Variants in CFAP77 observed in about 807,000 individuals in gnomAD.
CFAP77 encodes the protein cilia and flagella associated protein 77.
CFAP77 carries 25 observed loss-of-function variants against 31.1 expected under a neutral mutation model. That is an observed-to-expected ratio of 0.80 (90% CI 0.59 to 1.12). The LOEUF is 1.12. Ranked by LOEUF, CFAP77 falls within the 50% of genes most tolerant of loss-of-function variation. The pLI, the probability that CFAP77 is intolerant of heterozygous loss-of-function variation, is 0.00. For missense variants in CFAP77, 377 were observed against 397.3 expected (o/e 0.95, Z 0.44); for synonymous variants, 151 against 159.9 (o/e 0.94, Z 0.42).
chr9:132,559,346 CAAAAA>C (rs35737685), intron 5 of CFAP77, among the ~76,000 whole-genome samples: 5 of 56,082 alleles, frequency 8.9e-5, no homozygotes, highest in African/African-American at 3.3e-4. Context: ...CTCTGTCTTG[CAAAAA>C]AAAAAAAAAA....
At chr9:132,494,230 C>T (rs73556764) in intron 1 of CFAP77, among the ~76,000 whole-genome samples, 1 of 152,078 alleles carries the variant, frequency 6.6e-6, no homozygotes, top group Non-Finnish European at 1.5e-5. Context: ...GTTTCTTAAT[C>T]TCTGTGGGCA....
chr9:132,537,006 TG>T (rs1852555118), intron 3 of CFAP77, among the ~76,000 whole-genome samples: 1 of 151,930 alleles, frequency 6.6e-6, no homozygotes, highest in Non-Finnish European at 1.5e-5. Context: ...TGATTAAAGG[TG>T]GTAAAGACAT....
chr9:132,486,005 T>TGG, intron 1 of CFAP77, among the ~76,000 whole-genome samples: 1 of 10,576 alleles, frequency 9.5e-5, no homozygotes, highest in Non-Finnish European at 1.5e-4. Flanking sequence ...TATATATATA[T>TGG]ATATATATAT....
At chr9:132,561,229 T>A (rs555833631) in intron 5 of CFAP77, among the ~76,000 whole-genome samples, 1 of 152,242 alleles carries the variant, frequency 6.6e-6, no homozygotes, top group Admixed American at 6.5e-5. Flanking sequence ...GGAGACAGCC[T>A]CTCAATCTTT....
intron 5 of CFAP77, among the ~76,000 whole-genome samples, chr9:132,559,763 G>C (rs1451635435): frequency 6.6e-6 from 1 of 152,178 alleles, no homozygotes. Flanking sequence ...ATAGTCAAAA[G>C]TGGAAACAAC....
At chr9:132,505,946 C>T (rs767212467) in intron 3 of CFAP77, among the ~76,000 whole-genome samples, 1 of 152,204 alleles carries the variant, frequency 6.6e-6, no homozygotes, top group Non-Finnish European at 1.5e-5. Flanking sequence ...TGCTCTGCAT[C>T]GATCTTAAAC....
chr9:132,508,553 A>G (rs866923446), intron 3 of CFAP77, among the ~76,000 whole-genome samples: 8 of 152,210 alleles, frequency 5.3e-5, no homozygotes, highest in African/African-American at 1.4e-4. Flanking sequence ...GCAGCTGTCT[A>G]TAACCATCTG....
At chr9:132,440,621 C>T (rs571989447) in intron 1 of CFAP77, among the ~76,000 whole-genome samples, 2 of 152,320 alleles carry the variant, frequency 1.3e-5, no homozygotes, top group South Asian at 4.1e-4. Context: ...AACTCTGCTA[C>T]AATGCCATTG....
In CFAP77 at chr9:132,548,137, C is replaced by T. The variant is rs561790050; in HGVS notation, c.732+5090C>T. ...TCTGTACTTATTGACACTTTAATAA[C>T]ATATTGTTGGGCAAAAGAGTCCATG... On this transcript the variant is annotated intron_variant, in intron 5 of 5. Coordinates refer to ENST00000393216, the MANE Select transcript of CFAP77 (RefSeq NM_001282957.2). Among the ~76,000 whole-genome samples, 12 of 152,208 alleles carry T rather than the reference C, an allele frequency of 7.9e-5. No homozygotes were observed. The East Asian group carries it at 2.3e-3, about 29-fold the overall frequency.
chr9:132,439,057 A>G (rs1850569248), intron 1 of CFAP77, among the ~76,000 whole-genome samples: 1 of 151,056 alleles, frequency 6.6e-6, no homozygotes, highest in Non-Finnish European at 1.5e-5. Flanking sequence ...TGTATTTTGA[A>G]TAGAGATGGG....
chr9:132,553,102 C>T (rs1852845780), intron 5 of CFAP77, among the ~76,000 whole-genome samples: 2 of 152,308 alleles, frequency 1.3e-5, no homozygotes, highest in Non-Finnish European at 2.9e-5. Context: ...GGTGAGGGTC[C>T]TCTTCCTGGC....
intron 3 of CFAP77, among the ~76,000 whole-genome samples, chr9:132,529,507 T>TAAAAAAAAAAAAAAAAAAAA (rs750691279): frequency 9.2e-6 from 1 of 108,826 alleles, no homozygotes; most frequent in African/African-American, 3.3e-5. Context: ...TAGAGTATAA[T>TAAAAAAAAAAAAAAAAAAAA]AAAAAAAAAA....
intron 1 of CFAP77, among the ~76,000 whole-genome samples, chr9:132,456,269 C>T (rs1850910503): frequency 6.6e-6 from 1 of 152,170 alleles, no homozygotes; most frequent in Admixed American, 6.5e-5. Context: ...GGGGCTCTGT[C>T]CACAGTAGCT....
rs929966303 is a variant in CFAP77 at position 132,533,469 on chromosome 9, G to A, written c.525-4132G>A. Among the ~76,000 whole-genome samples the A allele has an allele frequency of 3.4e-5, 5 of 147,518 alleles. No individual in the cohort carries two copies. In the East Asian group the frequency reaches 5.8e-4, roughly 17 times the overall value. On this transcript the variant is annotated intron_variant, in intron 3 of 5. Transcript: ENST00000393216. ...CCCGCTCCCTCCCAGGGCTCTAGCC[G>A]AGGACGCTTCCTGCCTCTTCCAGCT...
intron 1 of CFAP77, among the ~76,000 whole-genome samples, chr9:132,462,821 T>TAA (rs112452946): frequency 6.7e-5 from 10 of 150,282 alleles, no homozygotes; most frequent in African/African-American, 9.8e-5. Flanking sequence ...CGTCTCAAAA[T>TAA]AAAAATAAAA....
chr9:132,433,269 G>C (rs568234963), intron 1 of CFAP77, among the ~76,000 whole-genome samples: 4 of 152,304 alleles, frequency 2.6e-5, no homozygotes, highest in African/African-American at 9.6e-5. Context: ...AATGGTAAGG[G>C]CCTGAGAAAT....
rs529496631 is a variant in CFAP77, at chr9:132,539,036, A to G, written c.630+1330A>G. On this transcript the variant is annotated intron_variant, in intron 4 of 5. Transcript: ENST00000393216. This position sits in a 1 kb window ranked among gnomAD's most constrained non-coding sequence, Gnocchi z 4.3. ...CAGGAGGTGGAGGTTGCAGTGAGCCAAGATCGTGCCACTGCACTCCAGCCT... is the reference window on the plus strand; with the variant it reads ...CAGGAGGTGGAGGTTGCAGTGAGCCGAGATCGTGCCACTGCACTCCAGCCT... 1.3e-5 allele frequency among the ~76,000 whole-genome samples: 2 copies of G among 150,828 alleles called. No individual in the cohort carries two copies. The highest frequency in any genetic ancestry group is 3.0e-5 in the Non-Finnish European group (2 of 67,706).
At chr9:132,429,651 T>C (rs1000792243) in intron 1 of CFAP77, among the ~76,000 whole-genome samples, 20 of 144,758 alleles carry the variant, frequency 1.4e-4, no homozygotes, top group Middle Eastern at 3.6e-3. Context: ...AAGACCATCC[T>C]GGCTAACACG....
At chr9:132,548,853 C>A (rs187914524) in intron 5 of CFAP77, among the ~76,000 whole-genome samples, 3 of 152,204 alleles carry the variant, frequency 2.0e-5, no homozygotes, top group Non-Finnish European at 2.9e-5. Flanking sequence ...AGCCCCACTG[C>A]TTTAGAATAA....
Sources: allele counts gnomAD v4.1 joint callset (sites outside exome capture counted in the v4.1 genomes callset), GRCh38; gene constraint gnomAD v4.1.1; non-coding constraint Gnocchi (gnomAD v3.1); transcripts MANE v1.5; gene names NCBI Gene and HGNC (gene_info 2026-07-23, HGNC 2026-07-21).